Variants in EFNB1 observed in about 807,000 individuals in gnomAD.
EFNB1 encodes ephrin-B1.
A neutral mutation model predicts 18.1 loss-of-function variants in EFNB1; 1 was observed. The observed-to-expected ratio is 0.06, with a 90% confidence interval of 0.02 to 0.26. EFNB1 has a LOEUF of 0.26. Ranked by LOEUF, EFNB1 falls within the 10% of genes least tolerant of loss-of-function variation. EFNB1 has a pLI of 1.00. For missense variants in EFNB1, 221 were observed against 301.8 expected (o/e 0.73, Z 1.98); for synonymous variants, 131 against 127.5 (o/e 1.03, Z -0.19).
At chrX:68,833,596 G>T (rs746325822) in intron 1 of EFNB1, among the ~76,000 whole-genome samples, 1 of 111,880 alleles carries the variant, frequency 8.9e-6, no homozygotes, top group Non-Finnish European at 1.9e-5. Context: ...CACCAGGTTT[G>T]GGGGAGAGTC....
rs145156507 is a variant in EFNB1, at chrX:68,831,421, A to G, written c.128+1517A>G. On this transcript the variant is annotated intron_variant, in intron 1 of 4. Coordinates refer to ENST00000204961, the MANE Select transcript of EFNB1 (RefSeq NM_004429.5). The stretch of plus-strand genomic sequence containing the variant: ...GGCAAGAATTTCTTTCCTACCCAGA[A>G]GCCAAACGGGGTACAACACTCTCCT... Among the ~76,000 whole-genome samples the G allele has an allele frequency of 4.5e-3, 504 of 112,078 alleles. 2 individuals carry two copies. The highest frequency in any genetic ancestry group is 0.015 in the African/African-American group (460 of 30,832).
intron 1 of EFNB1, among the ~76,000 whole-genome samples, chrX:68,832,525 A>G (rs2080448719): frequency 9.4e-6 from 1 of 106,483 alleles, no homozygotes; most frequent in Non-Finnish European, 1.9e-5. Flanking sequence ...CTTCTTGGGA[A>G]AAAAAAAATC....
intron 1 of EFNB1, among the ~76,000 whole-genome samples, chrX:68,832,536 A>T (rs1045181326): frequency 9.0e-6 from 1 of 111,539 alleles, no homozygotes; most frequent in African/African-American, 3.3e-5. Flanking sequence ...AAAAAAAATC[A>T]AAATAAAAGA....
chrX:68,831,024 C>T (rs2080443783), intron 1 of EFNB1, among the ~76,000 whole-genome samples: 1 of 111,321 alleles, frequency 9.0e-6, no homozygotes, highest in Non-Finnish European at 1.9e-5. Flanking sequence ...AACCAAGGGT[C>T]AAAATTGCCC....
intron 1 of EFNB1, 48 bp from the exon 2 acceptor site, chrX:68,838,569 G>C: frequency 2.5e-6 from 3 of 1,205,696 alleles, no homozygotes; most frequent in Non-Finnish European, 3.4e-6. Context: ...GGAATGGCCT[G>C]GGGCCACCCC....
At chrX:68,833,599 G>T (rs910556377) in intron 1 of EFNB1, among the ~76,000 whole-genome samples, 2 of 111,753 alleles carry the variant, frequency 1.8e-5, no homozygotes, top group Non-Finnish European at 3.8e-5. Flanking sequence ...CAGGTTTGGG[G>T]GAGAGTCCAC....
intron 1 of EFNB1, among the ~76,000 whole-genome samples, chrX:68,833,343 C>T (rs1033358013): frequency 6.2e-5 from 7 of 112,067 alleles, no homozygotes; most frequent in South Asian, 7.5e-4. Flanking sequence ...CCTAAAGTCC[C>T]CTGTTCCCCT....
intron 1 of EFNB1, among the ~76,000 whole-genome samples, chrX:68,836,243 G>A (rs756951047): frequency 1.8e-5 from 2 of 112,012 alleles, no homozygotes; most frequent in Admixed American, 9.4e-5. Flanking sequence ...GGATGGAACC[G>A]TTGTGAGCAC....
chrX:68,838,133 G>A (rs1044090310), intron 1 of EFNB1, among the ~76,000 whole-genome samples: 2 of 39,907 alleles, frequency 5.0e-5, no homozygotes, highest in African/African-American at 3.6e-4. Context: ...GTGTGTGTAT[G>A]TGTGTGTGTG....
At chrX:68,836,547 C>T (rs1430819364) in intron 1 of EFNB1, among the ~76,000 whole-genome samples, 3 of 112,410 alleles carry the variant, frequency 2.7e-5, no homozygotes, top group South Asian at 3.7e-4. Context: ...TTTCCCTCTT[C>T]GCCTACTTGG....
At chrX:68,838,560 G>T in intron 1 of EFNB1, 57 bp from the exon 2 acceptor site, 11 of 1,200,614 alleles carry the variant, frequency 9.2e-6, no homozygotes, top group Non-Finnish European at 1.2e-5. Context: ...CCTGGTTCTG[G>T]AATGGCCTGG....
intron 1 of EFNB1, among the ~76,000 whole-genome samples, chrX:68,831,366 G>A (rs56105292): frequency 0.032 from 3,582 of 111,557 alleles, 158 homozygotes; most frequent in African/African-American, 0.11. Context: ...TTGGGGTGGA[G>A]GGCTCTCCCT....
chrX:68,838,168 T>TGC (rs1569397859), intron 1 of EFNB1, among the ~76,000 whole-genome samples: 43 of 58,191 alleles, frequency 7.4e-4, no homozygotes, highest in Non-Finnish European at 1.2e-3. Flanking sequence ...TGTGTGTGTG[T>TGC]GTGTGCGCGC....
Position 68,829,412 on chromosome X carries a change from AAGACCCCGTCGGGG to A in EFNB1, c.-361_-348del. ...GGGCGGTCACCGAGACCTCTGCGGG[AAGACCCCGTCGGGG>A]AGAGGGCGCGCAGCCCCGAAGCGTC... On this transcript the variant is annotated 5_prime_UTR_variant, in exon 1 of 5. Transcript: ENST00000204961. The A allele has an allele frequency of 4.5e-6, 1 of 223,272 alleles. No homozygotes were observed. The highest frequency in any genetic ancestry group is 8.1e-6 in the Non-Finnish European group (1 of 123,975). 18.4% of individuals were successfully genotyped at this position (223,272 alleles called of 1,213,427 possible).
At chrX:68,838,158 TGTGTGTGTGTGTGTGCGCGC>T (rs1279513525) in intron 1 of EFNB1, among the ~76,000 whole-genome samples, 98 of 49,223 alleles carry the variant, frequency 2.0e-3, no homozygotes, top group African/African-American at 0.01. Flanking sequence ...TGTGTGTGTG[TGTGTGTGTGTGTGTGCGCGC>T]GCGCGCGCGC....
chrX:68,840,357 C>T lies in EFNB1; in HGVS notation c.744C>T (p.Cys248=), dbSNP rs376359844. The stretch of plus-strand genomic sequence containing the variant: ...TGTTCGCGGCTGTCGGTGCCGGTTG[C>T]GTCATCTTCCTGCTCATCATCATCT... ...VALFAAVGAG[C]VIFLLIIIFL... is the part of the protein sequence containing the mutation. Residue 248 remains cysteine (C), a synonymous_variant, in exon 5 of 5, where the codon TGC becomes TGT. Coordinates refer to ENST00000204961, the MANE Select transcript of EFNB1 (RefSeq NM_004429.5). The T allele has an allele frequency of 7.4e-5, 90 of 1,210,145 alleles. No homozygotes were observed. The highest frequency in any genetic ancestry group is 9.0e-5 in the Non-Finnish European group (81 of 895,239).
At chrX:68,834,530 G>A (rs774714763) in intron 1 of EFNB1, among the ~76,000 whole-genome samples, 9 of 113,283 alleles carry the variant, frequency 7.9e-5, no homozygotes, top group African/African-American at 2.9e-4. Context: ...GGGCACTGCT[G>A]GGACATGCCA....
At chrX:68,830,221 G>A (rs954321725) in intron 1 of EFNB1, among the ~76,000 whole-genome samples, 2 of 111,797 alleles carry the variant, frequency 1.8e-5, no homozygotes, top group Non-Finnish European at 3.8e-5. Context: ...ACTGAGTGGA[G>A]GCGAGAACGC....
rs781514536 is a variant in EFNB1 at position 68,838,827 on chromosome X, G to A, written c.339G>A (p.Lys113=). The A allele has an allele frequency of 8.3e-7, 1 of 1,204,936 alleles. No homozygotes were observed. The highest frequency in any genetic ancestry group is 1.1e-6 in the Non-Finnish European group (1 of 891,929). The change falls in exon 2 of 5, where the codon AAG becomes AAA. Residue 113 remains lysine, a synonymous_variant. Transcript: ENST00000204961. ...AGCAGGAAATACGCTTTACCATCAAGTTCCAGGAGTTCAGCCCCAACTACA... is the reference window on the plus strand; with the variant it reads ...AGCAGGAAATACGCTTTACCATCAAATTCCAGGAGTTCAGCCCCAACTACA... The part of the protein sequence containing the change: ...RPEQEIRFTI[K]FQEFSPNYMG...
Sources: allele counts gnomAD v4.1 joint callset (sites outside exome capture counted in the v4.1 genomes callset), GRCh38; gene constraint gnomAD v4.1.1; transcripts MANE v1.5; gene names NCBI Gene and HGNC (gene_info 2026-07-23, HGNC 2026-07-21).